Variants in PRRG1 observed in about 807,000 individuals in gnomAD.
PRRG1 encodes the protein transmembrane gamma-carboxyglutamic acid protein 1.
Under a neutral mutation model 11.8 loss-of-function variants are expected in PRRG1, and 5 were observed. That is an observed-to-expected ratio of 0.42 (90% CI 0.22 to 0.89). PRRG1 has a LOEUF of 0.89. Ranked by LOEUF, PRRG1 falls within the 40% of genes least tolerant of loss-of-function variation. The pLI is 0.28. For missense variants in PRRG1, 155 were observed against 166.1 expected (o/e 0.93, Z 0.37); for synonymous variants, 66 against 60.4 (o/e 1.09, Z -0.43).
chrX:37,451,894 T>A (rs1556396635), intron 3 of PRRG1, among the ~76,000 whole-genome samples: 1 of 112,278 alleles, frequency 8.9e-6, no homozygotes, highest in Non-Finnish European at 1.9e-5. Context: ...CATGCCCTCA[T>A]GGGACATCTG....
chrX:37,364,194 C>G (rs1292740733), intron 1 of PRRG1, among the ~76,000 whole-genome samples: 2 of 110,325 alleles, frequency 1.8e-5, no homozygotes, highest in Non-Finnish European at 3.8e-5. Flanking sequence ...TCTATATCAC[C>G]CCCTCCAAAA....
intron 1 of PRRG1, among the ~76,000 whole-genome samples, chrX:37,388,017 C>A (rs1438019923): frequency 7.1e-5 from 8 of 112,002 alleles, no homozygotes; most frequent in African/African-American, 2.6e-4. Flanking sequence ...CCATGCAAGT[C>A]TGAAATCCAG....
At chrX:37,397,884 G>T (rs983228630) in intron 1 of PRRG1, among the ~76,000 whole-genome samples, 1 of 109,298 alleles carries the variant, frequency 9.1e-6, no homozygotes, top group Non-Finnish European at 1.9e-5. Flanking sequence ...TAAGTGTATT[G>T]TCATTATTTT....
intron 1 of PRRG1, among the ~76,000 whole-genome samples, chrX:37,404,753 G>C (rs1932135301): frequency 9.0e-6 from 1 of 111,681 alleles, no homozygotes; most frequent in African/African-American, 3.3e-5. Context: ...CAAAAAAGAT[G>C]TGTTGATGAG....
At chrX:37,362,395 T>C (rs1930440398) in intron 1 of PRRG1, among the ~76,000 whole-genome samples, 1 of 110,761 alleles carries the variant, frequency 9.0e-6, no homozygotes, top group Non-Finnish European at 1.9e-5. Flanking sequence ...AGTCATTTTT[T>C]TTTTTTTAAC....
At chrX:37,423,867 C>CAGT (rs1556387706) in intron 2 of PRRG1, among the ~76,000 whole-genome samples, 2 of 110,915 alleles carry the variant, frequency 1.8e-5, no homozygotes, top group African/African-American at 6.6e-5. Context: ...GTGCCCTATA[C>CAGT]AGTACCATTT....
Position 37,406,232 on chromosome X carries a change from C to T in PRRG1, c.-18C>T, listed in dbSNP as rs782556752. 1 of 1,210,105 alleles carries T rather than the reference C, an allele frequency of 8.3e-7. No individual in the cohort carries two copies. Among genetic ancestry groups the T allele is most frequent in the Admixed American group, 2.2e-5 (1 of 45,960 alleles). ...AGGGAATCATCATCCAGGGACGTGC[C>T]AGAAACCACAAGAAAACATGGGGAG... On this transcript the variant is annotated 5_prime_UTR_variant, in exon 2 of 4. Coordinates refer to ENST00000378628, the MANE Select transcript of PRRG1 (RefSeq NM_001142395.2).
At chrX:37,398,015 C>CACAT (rs1304495008) in intron 1 of PRRG1, among the ~76,000 whole-genome samples, 2 of 80,270 alleles carry the variant, frequency 2.5e-5, no homozygotes, top group Non-Finnish European at 4.6e-5. Context: ...CACACACACA[C>CACAT]ATACACGCTG....
At chrX:37,351,807 G>T (rs1930077017) in intron 1 of PRRG1, among the ~76,000 whole-genome samples, 1 of 112,636 alleles carries the variant, frequency 8.9e-6, no homozygotes, top group Admixed American at 9.3e-5. Context: ...GACACAAATA[G>T]GTTGCTGCTG....
chrX:37,377,349 C>T (rs1931005375), intron 1 of PRRG1, among the ~76,000 whole-genome samples: 1 of 111,150 alleles, frequency 9.0e-6, no homozygotes, highest in African/African-American at 3.3e-5. Flanking sequence ...CATATGATAG[C>T]CAAAGTAAAT....
intron 1 of PRRG1, among the ~76,000 whole-genome samples, chrX:37,372,133 C>T (rs1008751394): frequency 8.9e-6 from 1 of 112,628 alleles, no homozygotes; most frequent in Admixed American, 9.3e-5. Context: ...TCTTTATCAA[C>T]ACTTGTTGTC....
At chrX:37,449,486 A>G (rs1260548011) in intron 3 of PRRG1, among the ~76,000 whole-genome samples, 1 of 112,484 alleles carries the variant, frequency 8.9e-6, no homozygotes, top group African/African-American at 3.2e-5. Flanking sequence ...CACATTTTAT[A>G]AAAGGGAAAC....
chrX:37,365,795 C>A (rs1930555026), intron 1 of PRRG1, among the ~76,000 whole-genome samples: 1 of 111,707 alleles, frequency 9.0e-6, no homozygotes, highest in Non-Finnish European at 1.9e-5. Context: ...GGGAGTATTA[C>A]CAGACCTTAA....
At chrX:37,445,067 A>G (rs1933050024) in intron 3 of PRRG1, among the ~76,000 whole-genome samples, 1 of 111,739 alleles carries the variant, frequency 8.9e-6, no homozygotes, top group African/African-American at 3.3e-5. Context: ...AAAGGAGAGG[A>G]ATGGCTAGGC....
At chrX:37,359,726 G>A (rs142517521) in intron 1 of PRRG1, among the ~76,000 whole-genome samples, 27 of 111,655 alleles carry the variant, frequency 2.4e-4, no homozygotes, top group East Asian at 2.2e-3. Context: ...TTAAGTGTTC[G>A]GTAGAATTCA....
At chrX:37,420,394 A>G (rs782064033) in intron 2 of PRRG1, among the ~76,000 whole-genome samples, 2 of 111,579 alleles carry the variant, frequency 1.8e-5, no homozygotes, top group Admixed American at 9.5e-5. Flanking sequence ...GGGTTGCACA[A>G]TAGGTCTAGA....
intron 3 of PRRG1, among the ~76,000 whole-genome samples, chrX:37,432,128 C>G (rs1556390438): frequency 1.9e-5 from 2 of 106,452 alleles, no homozygotes; most frequent in African/African-American, 7.0e-5. Flanking sequence ...CGCTCTGTCG[C>G]CCAGGCTGGA....
chrX:37,384,238 C>A (rs782584478), intron 1 of PRRG1, among the ~76,000 whole-genome samples: 7 of 111,164 alleles, frequency 6.3e-5, no homozygotes, highest in Non-Finnish European at 1.1e-4. Flanking sequence ...AGTTATATAC[C>A]GCTATATAAT....
chrX:37,429,091 A>G (rs1272476923), intron 3 of PRRG1, among the ~76,000 whole-genome samples: 3 of 112,219 alleles, frequency 2.7e-5, no homozygotes, highest in Non-Finnish European at 5.6e-5. Flanking sequence ...GGCCTGGCCC[A>G]GGAAACCATT....
Sources: gnomAD v4.1 joint callset for allele counts (sites outside exome capture counted in the v4.1 genomes callset) on GRCh38, gnomAD v4.1.1 for gene constraint, MANE v1.5 for transcripts, NCBI Gene and HGNC (gene_info 2026-07-23, HGNC 2026-07-21) for gene names.